Variants in VRK1 observed in about 807,000 individuals in gnomAD.
The protein encoded by VRK1 is VRK serine/threonine kinase 1, also known as serine/threonine-protein kinase VRK1.
Under a neutral mutation model 57.1 loss-of-function variants are expected in VRK1, and 33 were observed. The ratio of observed to expected loss-of-function variants is 0.58; its 90% CI spans 0.44 to 0.77. VRK1 has a LOEUF of 0.77. Ranked by LOEUF, VRK1 falls within the 30% of genes least tolerant of loss-of-function variation. The pLI, the probability that VRK1 is intolerant of heterozygous loss-of-function variation, is 0.00. For missense variants in VRK1, 413 were observed against 477.3 expected, an observed-to-expected ratio of 0.87 and a Z score of 1.25; for synonymous variants, 137 against 147.8, an observed-to-expected ratio of 0.93 and a Z score of 0.53.
In VRK1 at chr14:96,856,531, C is replaced by A; in HGVS notation, c.834C>A (p.Tyr278Ter). ...PKYVRDSKIR[Y>*]RENIASLMDK... Reference sequence around the variant, plus strand: ...CTCATTCTTTAATTTTTAACAGATACAGAGAAAATATTGCAAGTTTGATGG... The same window carrying A: ...CTCATTCTTTAATTTTTAACAGATAAAGAGAAAATATTGCAAGTTTGATGG... The change falls in exon 10 of 13, where the codon TAC becomes TAA. Residue 278 changes from tyrosine (Y) to a stop codon, truncating the protein, a stop_gained. Coordinates refer to ENST00000216639, the MANE Select transcript of VRK1 (RefSeq NM_003384.3). LOFTEE classifies it high-confidence loss of function. The A allele has an allele frequency of 6.2e-7, 1 of 1,612,526 alleles. No homozygotes were observed. The highest frequency in any genetic ancestry group is 8.5e-7 in the Non-Finnish European group (1 of 1,178,752).
At chr14:96,846,248 AT>A (rs1887683732) in intron 4 of VRK1, 84 bp downstream of exon 4, 1 of 1,276,028 alleles carries the variant, frequency 7.8e-7, no homozygotes, top group Non-Finnish European at 1.1e-6. Context: ...ATTGTATCTT[AT>A]TTTATGACTC....
rs532457550 is a variant in VRK1 at position 96,854,941 on chromosome 14, A to G, written c.577-283A>G. Among the ~76,000 whole-genome samples the G allele has an allele frequency of 2.0e-4, 31 of 152,258 alleles. No individual in the cohort carries two copies. The South Asian group carries it at 2.1e-3, about 10-fold the overall frequency. ...TAATTTTCGTTCAAATTGAGACAAG[A>G]TTAATTACAAGTATAACATATACTT... On this transcript the variant is annotated intron_variant, in intron 7 of 12. Transcript: ENST00000216639.
intron 5 of VRK1, among the ~76,000 whole-genome samples, chr14:96,848,119 A>G (rs1745750819): frequency 6.6e-6 from 1 of 152,176 alleles, no homozygotes; most frequent in Non-Finnish European, 1.5e-5. Context: ...TGACTCAGGC[A>G]GTCATCAAGG....
rs748183131 is a variant in VRK1, at chr14:96,856,533, G to C, written c.836G>C (p.Arg279Thr). The part of the protein sequence containing the change: ...KYVRDSKIRY[R>T]ENIASLMDKC... ...CATTCTTTAATTTTTAACAGATACA[G>C]AGAAAATATTGCAAGTTTGATGGAC... The change falls in exon 10 of 13, where the codon AGA becomes ACA. Residue 279 changes from arginine to threonine, a missense_variant. Physicochemically the swap from Arg to Thr is moderately conservative, Grantham distance 71. Around this residue, in one of 3 missense-constraint regions of VRK1, gnomAD observed 146 missense variants for 138.2 expected, o/e 1.06. Transcript: ENST00000216639. 4.3e-6 allele frequency: 7 copies of C among 1,613,034 alleles called. No individual in the cohort carries two copies. Among genetic ancestry groups the C allele is most frequent in the Middle Eastern group, 1.7e-4 (1 of 6,058 alleles).
intron 1 of VRK1, among the ~76,000 whole-genome samples, chr14:96,833,019 C>T (rs1887069144): frequency 6.6e-6 from 1 of 152,142 alleles, no homozygotes. Context: ...GGAACCTTTG[C>T]CCCTTCCCCT....
chr14:96,831,652 T>A (rs1207766761), intron 1 of VRK1, among the ~76,000 whole-genome samples: 1 of 152,216 alleles, frequency 6.6e-6, no homozygotes, highest in Non-Finnish European at 1.5e-5. Context: ...TATATTTTTG[T>A]CACTTCTGGA....
At chr14:96,797,996 G>A (rs1389975899) in intron 1 of VRK1, among the ~76,000 whole-genome samples, 1 of 152,206 alleles carries the variant, frequency 6.6e-6, no homozygotes, top group Non-Finnish European at 1.5e-5. Context: ...GCATCTCAGA[G>A]GATGTGACCT....
chr14:96,814,429 T>C (rs1374227915), intron 1 of VRK1, among the ~76,000 whole-genome samples: 1 of 152,198 alleles, frequency 6.6e-6, no homozygotes, highest in Non-Finnish European at 1.5e-5. Flanking sequence ...AGACTAATAT[T>C]GGAAAGAATT....
intron 11 of VRK1, among the ~76,000 whole-genome samples, chr14:96,864,780 AT>A (rs1888519557): frequency 6.6e-6 from 1 of 151,966 alleles, no homozygotes; most frequent in Non-Finnish European, 1.5e-5. Context: ...AATTTCTCCT[AT>A]TTTGGTGGAC....
At chr14:96,859,728 G>A (rs1888308771) in intron 10 of VRK1, among the ~76,000 whole-genome samples, 1 of 152,100 alleles carries the variant, frequency 6.6e-6, no homozygotes, top group Non-Finnish European at 1.5e-5. Context: ...TGATTCAAGG[G>A]TGACTAACTC....
chr14:96,854,109 A>C (rs1888057353), intron 7 of VRK1, among the ~76,000 whole-genome samples: 1 of 152,140 alleles, frequency 6.6e-6, no homozygotes, highest in Non-Finnish European at 1.5e-5. Flanking sequence ...TTACTATACT[A>C]TTAAGATAGT....
chr14:96,812,678 T>C (rs573501048), intron 1 of VRK1, among the ~76,000 whole-genome samples: 1 of 152,174 alleles, frequency 6.6e-6, no homozygotes, highest in Non-Finnish European at 1.5e-5. Flanking sequence ...TTTCTTCCAT[T>C]TTGTTCAGAG....
intron 11 of VRK1, among the ~76,000 whole-genome samples, chr14:96,871,440 T>C (rs1348662281): frequency 6.6e-6 from 1 of 152,216 alleles, no homozygotes; most frequent in African/African-American, 2.4e-5. Flanking sequence ...TGAATGAATT[T>C]CCATGTTAGT....
intron 1 of VRK1, among the ~76,000 whole-genome samples, chr14:96,821,969 C>CTT (rs71103554): frequency 1.4e-3 from 193 of 142,902 alleles, no homozygotes; most frequent in Middle Eastern, 3.6e-3. Context: ...GATTCTCTCA[C>CTT]TTTTTTTTTT....
chr14:96,815,193 A>G (rs1886345581), intron 1 of VRK1, among the ~76,000 whole-genome samples: 1 of 152,172 alleles, frequency 6.6e-6, no homozygotes, highest in African/African-American at 2.4e-5. Flanking sequence ...TTAATTGTAA[A>G]TTAAGTCTCA....
intron 1 of VRK1, among the ~76,000 whole-genome samples, chr14:96,805,418 G>A (rs948688392): frequency 6.6e-6 from 1 of 152,066 alleles, no homozygotes; most frequent in African/African-American, 2.4e-5. Context: ...TTTTGCCCTC[G>A]AGTCCTATTA....
chr14:96,881,084 T>C lies in VRK1; in HGVS notation c.1160-93T>C, dbSNP rs919997102. The C allele has an allele frequency of 1.6e-5, 18 of 1,103,844 alleles. No homozygotes were observed. The African/African-American group carries it at 2.9e-4, about 18-fold the overall frequency. The allele number at this position is 1,103,844 out of a possible 1,614,324, so 68.4% of individuals were successfully genotyped here. A position where few individuals can be genotyped will look rare whatever the true frequency, so the allele number is the denominator to read the frequency against. On this transcript the variant is annotated intron_variant, in intron 12 of 12. Transcript: ENST00000216639. Reference sequence around the variant, plus strand: ...CGAGAGTCGATTTGATTTTAAAATGTTAATAACTATATTTAGGGATATTTA... The same window carrying C: ...CGAGAGTCGATTTGATTTTAAAATGCTAATAACTATATTTAGGGATATTTA...
At chr14:96,847,431 C>T in intron 5 of VRK1, 87 bp downstream of exon 5, 3 of 1,048,594 alleles carry the variant, frequency 2.9e-6, no homozygotes, top group Admixed American at 3.7e-5. Flanking sequence ...TTACTGATCA[C>T]TTACAATATT....
chr14:96,872,332 ATAGT>A (rs1888854409), intron 11 of VRK1, among the ~76,000 whole-genome samples: 1 of 152,218 alleles, frequency 6.6e-6, no homozygotes, highest in African/African-American at 2.4e-5. Context: ...GAATAGTTCA[ATAGT>A]TACTCTACAG....
Sources: allele counts gnomAD v4.1 joint callset (sites outside exome capture counted in the v4.1 genomes callset), GRCh38; gene constraint gnomAD v4.1.1; regional missense constraint gnomAD v4.1.1; transcripts MANE v1.5; gene names NCBI Gene and HGNC (gene_info 2026-07-23, HGNC 2026-07-21).